Variants in MCTP2 observed in about 807,000 individuals in gnomAD.
The protein encoded by MCTP2 is multiple C2 and transmembrane domain containing 2, also known as multiple C2 and transmembrane domain-containing protein 2.
Under a neutral mutation model 111.6 loss-of-function variants are expected in MCTP2, and 132 were observed. That is an observed-to-expected ratio of 1.18 (90% CI 1.03 to 1.37). MCTP2 has a LOEUF of 1.37. MCTP2 is among the 40% of genes most tolerant of loss of function. MCTP2 has a pLI of 0.00. For synonymous variants in MCTP2, 395 were observed against 387.7 expected (o/e 1.02, Z -0.22); for missense variants, 1,183 against 1,067.9 (o/e 1.11, Z -1.50).
At chr15:94,382,984 T>G (rs574846784) in intron 12 of MCTP2, among the ~76,000 whole-genome samples, 146 of 152,344 alleles carry the variant, frequency 9.6e-4, no homozygotes, top group African/African-American at 3.4e-3. Flanking sequence ...ATTTCTTAGG[T>G]TTTTTGGTGT....
chr15:94,359,119 A>G (rs2078783395), intron 10 of MCTP2, among the ~76,000 whole-genome samples: 1 of 152,180 alleles, frequency 6.6e-6, no homozygotes, highest in South Asian at 2.1e-4. Context: ...GAACAATAAT[A>G]TCAATATTAT....
At chr15:94,294,784 C>T (rs1009563980) in intron 1 of MCTP2, among the ~76,000 whole-genome samples, 15 of 152,220 alleles carry the variant, frequency 9.9e-5, no homozygotes, top group African/African-American at 3.6e-4. Flanking sequence ...CCCTAGGATT[C>T]CTAAGCTTTG....
At position 94,472,140 on chromosome 15, in the gene MCTP2, G is replaced by A. The variant is rs185873341; in HGVS notation, c.2470+1698G>A. On this transcript the variant is annotated intron_variant, in intron 21 of 22. Coordinates refer to ENST00000357742, the MANE Select transcript of MCTP2 (RefSeq NM_001385001.1). Reference sequence around the variant, plus strand: ...CGCCTGTAATCCCAGCACTTTGGGAGGCCGAGGCGGGCAGATCACCCGAGG... The same window carrying A: ...CGCCTGTAATCCCAGCACTTTGGGAAGCCGAGGCGGGCAGATCACCCGAGG... Among the ~76,000 whole-genome samples, 769 of 152,332 alleles carry A rather than the reference G, an allele frequency of 5.0e-3. 8 individuals carry two copies. Among genetic ancestry groups the A allele is most frequent in the Non-Finnish European group, 4.6e-3 (312 of 68,026 alleles).
chr15:94,393,618 A>G (rs988214722), intron 14 of MCTP2, among the ~76,000 whole-genome samples: 11 of 152,254 alleles, frequency 7.2e-5, no homozygotes, highest in Non-Finnish European at 1.5e-4. Flanking sequence ...AAAAATCGCC[A>G]TCAGATATTG....
intron 1 of MCTP2, among the ~76,000 whole-genome samples, chr15:94,277,944 T>C (rs1264713716): frequency 6.6e-6 from 1 of 150,678 alleles, no homozygotes; most frequent in African/African-American, 2.5e-5. Flanking sequence ...TGGACAGAGG[T>C]AGTATATAGC....
At chr15:94,295,287 C>G (rs1251101367) in intron 1 of MCTP2, among the ~76,000 whole-genome samples, 1 of 152,006 alleles carries the variant, frequency 6.6e-6, no homozygotes, top group Admixed American at 6.5e-5. Context: ...CTTGATGAGT[C>G]TCTTTGGGGT....
intron 17 of MCTP2, among the ~76,000 whole-genome samples, chr15:94,436,213 G>A (rs1159988670): frequency 6.6e-6 from 1 of 152,076 alleles, no homozygotes. Context: ...ATTTTTCATT[G>A]GAGTTTTACT....
chr15:94,245,909 C>G (rs1235871784), intron 1 of MCTP2, among the ~76,000 whole-genome samples: 4 of 151,846 alleles, frequency 2.6e-5, no homozygotes, highest in Admixed American at 6.6e-5. Context: ...TTTCTAGTTT[C>G]AAAAAACTTG....
chr15:94,243,658 T>C (rs1482180365), intron 1 of MCTP2, among the ~76,000 whole-genome samples: 1 of 148,516 alleles, frequency 6.7e-6, no homozygotes, highest in Non-Finnish European at 1.5e-5. Flanking sequence ...TGTATACACA[T>C]ATGCGTATAT....
chr15:94,268,289 T>G (rs1596229691), intron 1 of MCTP2, among the ~76,000 whole-genome samples: 1 of 151,180 alleles, frequency 6.6e-6, no homozygotes, highest in Non-Finnish European at 1.5e-5. Context: ...CCAGTGATTC[T>G]CCTGCCTCAG....
At position 94,443,045 on chromosome 15, in the gene MCTP2, CTCTT is replaced by C. The variant is rs1242040977; in HGVS notation, c.2250+87_2250+90del. 1.9e-4 allele frequency: 159 copies of C among 849,456 alleles called. No homozygotes were observed. The African/African-American group carries it at 2.4e-3, about 13-fold the overall frequency. The allele number at this position is 849,456 out of a possible 1,614,324, so 52.6% of individuals were successfully genotyped here. A position where few individuals can be genotyped will look rare whatever the true frequency, so the allele number is the denominator to read the frequency against. On this transcript the variant is annotated intron_variant, in intron 19 of 22. Transcript: ENST00000357742. ...TTCCTTCAGGTTGAGTCTCTCTCCT[CTCTT>C]TTTTTTTTTTTTTTTAATATGATAG...
At chr15:94,319,853 G>T (rs1256374574) in intron 4 of MCTP2, among the ~76,000 whole-genome samples, 1 of 152,084 alleles carries the variant, frequency 6.6e-6, no homozygotes, top group Non-Finnish European at 1.5e-5. Flanking sequence ...CATGTTTTTG[G>T]CTTATCTATG....
At chr15:94,322,757 G>T (rs766700181) in intron 4 of MCTP2, among the ~76,000 whole-genome samples, 3 of 152,214 alleles carry the variant, frequency 2.0e-5, no homozygotes, top group Non-Finnish European at 4.4e-5. Context: ...AAATCATGCA[G>T]AAAAATCCGG....
chr15:94,339,248 A>G (rs1567463727), intron 4 of MCTP2, 42 bp from the exon 5 acceptor site: 7 of 1,457,274 alleles, frequency 4.8e-6, no homozygotes, highest in East Asian at 2.3e-5. Flanking sequence ...AGGCTTTTAC[A>G]TGTATTTTAA....
At chr15:94,379,264 T>C (rs2079962315) in intron 12 of MCTP2, among the ~76,000 whole-genome samples, 1 of 151,874 alleles carries the variant, frequency 6.6e-6, no homozygotes, top group South Asian at 2.1e-4. Context: ...TGGTGAACAG[T>C]GGGTAGATAA....
chr15:94,373,430 T>C lies in MCTP2; in HGVS notation c.1582+3250T>C, dbSNP rs16949035. Among the ~76,000 whole-genome samples the C allele has an allele frequency of 7.5e-3, 1,142 of 152,332 alleles. 21 individuals are homozygous for C. The highest frequency in any genetic ancestry group is 0.025 in the African/African-American group (1,053 of 41,584). On this transcript the variant is annotated intron_variant, in intron 12 of 22. Coordinates refer to ENST00000357742, the MANE Select transcript of MCTP2 (RefSeq NM_001385001.1). The stretch of plus-strand genomic sequence containing the variant: ...AAAGACATGAATAAGCCTAAATCTG[T>C]GTATATTACCAGGATTATATTTACA...
At chr15:94,454,454 G>A (rs1308505543) in intron 19 of MCTP2, among the ~76,000 whole-genome samples, 1 of 152,126 alleles carries the variant, frequency 6.6e-6, no homozygotes, top group Admixed American at 6.5e-5. Context: ...ACAAGGTTGT[G>A]TGATAAAGAT....
chr15:94,400,773 G>A (rs1251325783), intron 16 of MCTP2, among the ~76,000 whole-genome samples: 4 of 151,902 alleles, frequency 2.6e-5, no homozygotes, highest in Non-Finnish European at 5.9e-5. Context: ...ACTTCCTTTG[G>A]GGTGAGCAGC....
At chr15:94,240,722 G>A (rs1301805767) in intron 1 of MCTP2, among the ~76,000 whole-genome samples, 1 of 152,158 alleles carries the variant, frequency 6.6e-6, no homozygotes, top group Non-Finnish European at 1.5e-5. Flanking sequence ...ATCTGGAAAA[G>A]TCTCTATCCT....
Sources: allele counts gnomAD v4.1 joint callset (sites outside exome capture counted in the v4.1 genomes callset), GRCh38; gene constraint gnomAD v4.1.1; transcripts MANE v1.5; gene names NCBI Gene and HGNC (gene_info 2026-07-23, HGNC 2026-07-21).